CTNND1: variants seen among roughly 807,000 people sequenced by gnomAD.
The protein encoded by CTNND1 is catenin delta 1.
A neutral mutation model predicts 112.1 loss-of-function variants in CTNND1; 16 were observed. That is an observed-to-expected ratio of 0.14 (90% CI 0.10 to 0.22). The LOEUF (loss-of-function observed/expected upper bound fraction) is 0.22. CTNND1 is among the 10% of genes least tolerant of loss of function. CTNND1 has a pLI of 1.00. For missense variants in CTNND1, 1,008 were observed against 1,257.0 expected, an observed-to-expected ratio of 0.80 and a Z score of 3.00; for synonymous variants, 420 against 446.5, an observed-to-expected ratio of 0.94 and a Z score of 0.75.
At chr11:57,780,000 CT>C (rs964627259) in intron 1 of CTNND1, among the ~76,000 whole-genome samples, 21 of 151,618 alleles carry the variant, frequency 1.4e-4, no homozygotes, top group Admixed American at 3.9e-4. Flanking sequence ...CCTCCTTCCC[CT>C]CTCCGTAAAA....
intron 12 of CTNND1, 83 bp downstream of exon 12, chr11:57,807,066 G>C: frequency 9.2e-7 from 1 of 1,083,996 alleles, no homozygotes; most frequent in South Asian, 1.4e-5. Flanking sequence ...CAGACTTTAT[G>C]TAATACGTTT....
At chr11:57,775,482 T>G (rs1273812881) in intron 1 of CTNND1, among the ~76,000 whole-genome samples, 6 of 152,200 alleles carry the variant, frequency 3.9e-5, no homozygotes. Context: ...ATTAAAGATG[T>G]TACCTCTTGA....
chr11:57,788,706 A>G lies in CTNND1; in HGVS notation c.-213-331A>G, dbSNP rs547774825. ...GGAGGGGGAAGGGCATTCCAACAGC[A>G]GTTTTTTTCTTTTTCCCCAATTTGG... On this transcript the variant is annotated intron_variant, in intron 1 of 20. Transcript: ENST00000399050. The surrounding 1 kb of genome is among the most constrained non-coding windows in gnomAD (Gnocchi z 4.1). 6.6e-5 allele frequency among the ~76,000 whole-genome samples: 10 copies of G among 152,236 alleles called. No individual in the cohort carries two copies. The highest frequency in any genetic ancestry group is 2.4e-4 in the African/African-American group (10 of 41,544).
At chr11:57,782,171 G>A (rs1456007527) in intron 1 of CTNND1, among the ~76,000 whole-genome samples, 1 of 152,036 alleles carries the variant, frequency 6.6e-6, no homozygotes, top group African/African-American at 2.4e-5. Context: ...TTAACAAGGA[G>A]TATTATCTTG....
At chr11:57,779,025 T>C (rs2059304442) in intron 1 of CTNND1, among the ~76,000 whole-genome samples, 1 of 152,196 alleles carries the variant, frequency 6.6e-6, no homozygotes, top group South Asian at 2.1e-4. Context: ...TTACTGAGTT[T>C]TGTGTGTGCT....
In CTNND1 at chr11:57,816,704, A is replaced by C. The variant is rs2064010911; in HGVS notation, c.*396A>C. On this transcript the variant is annotated 3_prime_UTR_variant, in exon 21 of 21. Transcript: ENST00000399050. ...ATTGGAAGTTACATGCTGTATATGC[A>C]ATGTCCAGCAGTCTGATAAACTGAC... 4.1e-6 allele frequency: 1 copy of C among 244,534 alleles called. No individual in the cohort carries two copies. Among genetic ancestry groups the C allele is most frequent in the Non-Finnish European group, 7.9e-6 (1 of 126,432 alleles). 15.1% of individuals were successfully genotyped at this position (244,534 alleles called of 1,614,324 possible).
rs745360456 is a variant in CTNND1 at position 57,808,481 on chromosome 11, A to G, written c.2183A>G (p.Lys728Arg). Residue 728 changes from lysine (K) to arginine (R), a missense_variant, in exon 14 of 21, where the codon AAA becomes AGA. This residue lies in a region of CTNND1 where 254 missense variants were observed against 279.5 expected (regional missense o/e 0.91). Coordinates refer to ENST00000399050, the MANE Select transcript of CTNND1 (RefSeq NM_001085458.2). ...LLTNEHERVV[K>R]AASGALRNLA... ...ACTAATGAACATGAACGGGTGGTGA[A>G]AGCTGCATCTGGAGCACTGAGAAAC... 1.2e-6 allele frequency: 2 copies of G among 1,612,808 alleles called. No homozygotes were observed. Among genetic ancestry groups the G allele is most frequent in the South Asian group, 1.1e-5 (1 of 90,846 alleles).
intron 18 of CTNND1, among the ~76,000 whole-genome samples, chr11:57,815,116 T>G (rs2063806488): frequency 6.6e-6 from 1 of 152,086 alleles, no homozygotes; most frequent in African/African-American, 2.4e-5. Context: ...TTAGTAGAGA[T>G]GGGGTTTCAC....
chr11:57,787,493 C>T (rs1302849977), intron 1 of CTNND1, among the ~76,000 whole-genome samples: 1 of 152,232 alleles, frequency 6.6e-6, no homozygotes, highest in Non-Finnish European at 1.5e-5. Context: ...TACATTGTCT[C>T]ACCTAATCCT....
chr11:57,809,136 T>C, intron 14 of CTNND1, 138 bp from the exon 15 acceptor site: 1 of 614,986 alleles, frequency 1.6e-6, no homozygotes, highest in South Asian at 2.4e-5. Flanking sequence ...CCTTTTGATA[T>C]GATAATCCTA....
chr11:57,765,616 A>C (rs1327757808), intron 1 of CTNND1, among the ~76,000 whole-genome samples: 22 of 151,878 alleles, frequency 1.4e-4, no homozygotes, highest in Admixed American at 1.4e-3. Flanking sequence ...ATGGGTGCAC[A>C]CCACTATGCT....
rs1203876147 is a variant in CTNND1, at chr11:57,805,976, A to G, written c.1817A>G (p.Asn606Ser). The change falls in exon 10 of 21, where the codon AAT becomes AGT. Residue 606 changes from asparagine to serine, a missense_variant. By Grantham distance (46) the Asn-to-Ser change is conservative. Coordinates refer to ENST00000399050, the MANE Select transcript of CTNND1 (RefSeq NM_001085458.2). The stretch of plus-strand genomic sequence containing the variant: ...GAGCGTTACCAAGAGGCAGCTCCCA[A>G]TGTTGCCAACAATACTGGGCCACAT... ...QAERYQEAAP[N>S]VANNTGPHAA... 3.7e-6 allele frequency: 6 copies of G among 1,612,822 alleles called. No homozygotes were observed. In the East Asian group the frequency reaches 8.9e-5, roughly 24 times the overall value.
chr11:57,789,078 GCTT>G lies in CTNND1; in HGVS notation c.-167_-165del, dbSNP rs1250268283. ...TCCTCCTTGCTGTGGTGGCTGGGAT[GCTT>G]CTTCCATGATTTTTTGAATCTAGAC... On this transcript the variant is annotated 5_prime_UTR_variant, in exon 2 of 21. Coordinates refer to ENST00000399050, the MANE Select transcript of CTNND1 (RefSeq NM_001085458.2). 2.0e-6 allele frequency: 3 copies of G among 1,535,696 alleles called. No homozygotes were observed. The highest frequency in any genetic ancestry group is 2.0e-5 in the Admixed American group (1 of 50,996).
At chr11:57,772,322 G>A (rs936053317) in intron 1 of CTNND1, among the ~76,000 whole-genome samples, 1 of 152,008 alleles carries the variant, frequency 6.6e-6, no homozygotes, top group Admixed American at 6.6e-5. Context: ...TGACAGCCTA[G>A]ACCTGTACAG....
At chr11:57,809,596 A>G in intron 15 of CTNND1, 130 bp downstream of exon 15, 1 of 752,350 alleles carries the variant, frequency 1.3e-6, no homozygotes, top group East Asian at 2.7e-5. Flanking sequence ...TTGCTCTATT[A>G]TCTGTCTTAA....
At chr11:57,777,285 A>G (rs928377233) in intron 1 of CTNND1, among the ~76,000 whole-genome samples, 13 of 151,998 alleles carry the variant, frequency 8.6e-5, no homozygotes, top group African/African-American at 3.1e-4. Context: ...CCAGATAAGG[A>G]CTAAATCCTT....
intron 9 of CTNND1, 143 bp from the exon 10 acceptor site, chr11:57,805,739 A>T: frequency 1.1e-6 from 1 of 888,960 alleles, no homozygotes; most frequent in African/African-American, 1.7e-5. Context: ...AGCCTGGAGC[A>T]CTTAAGAGGC....
At chr11:57,792,598 T>C (rs555385775) in intron 3 of CTNND1, among the ~76,000 whole-genome samples, 2 of 152,366 alleles carry the variant, frequency 1.3e-5, no homozygotes, top group Middle Eastern at 3.4e-3. Context: ...TGGTGCAATC[T>C]TGGCTCACTG....
intron 1 of CTNND1, among the ~76,000 whole-genome samples, chr11:57,774,049 C>T (rs761052783): frequency 1.3e-5 from 2 of 152,084 alleles, no homozygotes; most frequent in African/African-American, 2.4e-5. Context: ...CTTGAGTCTT[C>T]GGTGACACAT....
Sources: gnomAD v4.1 joint callset for allele counts (sites outside exome capture counted in the v4.1 genomes callset) on GRCh38, gnomAD v4.1.1 for gene constraint, gnomAD v4.1.1 regional missense constraint, Gnocchi (gnomAD v3.1) non-coding constraint, MANE v1.5 for transcripts, NCBI Gene and HGNC (gene_info 2026-07-23, HGNC 2026-07-21) for gene names.